Variants in FHDC1 observed in about 807,000 individuals in gnomAD.
FHDC1 encodes the protein FH2 domain containing 1, also known as FH2 domain-containing protein 1.
Under a neutral mutation model 52.6 loss-of-function variants are expected in FHDC1, and 25 were observed. The ratio of observed to expected loss-of-function variants is 0.48; its 90% CI spans 0.35 to 0.66. The LOEUF (loss-of-function observed/expected upper bound fraction) is 0.66, where lower values mean the gene tolerates loss of function less well. Ranked by LOEUF, FHDC1 falls within the 30% of genes least tolerant of loss-of-function variation. The probability of loss-of-function intolerance (pLI) is 0.01; values close to 1 mark genes in which losing one functional copy is unlikely to be tolerated. For synonymous variants in FHDC1, 616 were observed against 581.5 expected (o/e 1.06, Z -0.85); for missense variants, 1,459 against 1,452.8 (o/e 1.00, Z -0.07).
Position 152,976,434 on chromosome 4 carries a change from G to A in FHDC1, c.3143G>A (p.Arg1048Lys). The change falls in exon 12 of 12, where the codon AGA becomes AAA. Residue 1048 changes from arginine (R) to lysine (K), a missense_variant. Arg to Lys is a conservative substitution (Grantham distance 26). Coordinates refer to ENST00000511601, the MANE Select transcript of FHDC1 (RefSeq NM_001371116.1). The part of the protein sequence containing the change: ...NTVASSSRSM[R>K]TDLPPVAKAP... ...GTGGCCTCCTCCTCTCGAAGCATGAGAACAGATCTTCCTCCCGTGGCCAAA... is the reference window on the plus strand; with the variant it reads ...GTGGCCTCCTCCTCTCGAAGCATGAAAACAGATCTTCCTCCCGTGGCCAAA... The A allele has an allele frequency of 6.2e-7, 1 of 1,613,758 alleles. No individual in the cohort carries two copies. Among genetic ancestry groups the A allele is most frequent in the Non-Finnish European group, 8.5e-7 (1 of 1,180,046 alleles).
In FHDC1 at chr4:152,972,373, G is replaced by A. The variant is rs968097689; in HGVS notation, c.1219-4G>A. 1.2e-4 allele frequency: 190 copies of A among 1,592,980 alleles called. No homozygotes were observed. The Admixed American group carries it at 2.9e-3, about 25-fold the overall frequency. On this transcript the variant is annotated splice_polypyrimidine_tract_variant and splice_region_variant and intron_variant, in intron 10 of 11. Coordinates refer to ENST00000511601, the MANE Select transcript of FHDC1 (RefSeq NM_001371116.1). Reference sequence around the variant, plus strand: ...TCAGTGTGTGTTCGTTTGTTTTTCCGCAGTTTGCCATAGAAAAGCTGAGGG... The same window carrying A: ...TCAGTGTGTGTTCGTTTGTTTTTCCACAGTTTGCCATAGAAAAGCTGAGGG...
intron 8 of FHDC1, among the ~76,000 whole-genome samples, chr4:152,963,737 A>G (rs1417206207): frequency 1.5e-5 from 2 of 132,474 alleles, no homozygotes; most frequent in African/African-American, 5.7e-5. Context: ...CTGCTAGCAC[A>G]GGGTTTGGAG....
At chr4:152,965,007 C>T in intron 9 of FHDC1, 32 bp downstream of exon 9, 1 of 1,567,762 alleles carries the variant, frequency 6.4e-7, no homozygotes. Context: ...ATTCAAGATT[C>T]TTTACCTTTT....
rs1417030338 is a variant in FHDC1, at chr4:152,974,935, C to T, written c.1644C>T (p.Asp548=). 1.9e-6 allele frequency: 3 copies of T among 1,612,308 alleles called. No homozygotes were observed. Among genetic ancestry groups the T allele is most frequent in the Non-Finnish European group, 2.5e-6 (3 of 1,179,862 alleles). The change falls in exon 12 of 12, where the codon GAC becomes GAT. Residue 548 remains aspartate (D), a synonymous_variant. Coordinates refer to ENST00000511601, the MANE Select transcript of FHDC1 (RefSeq NM_001371116.1). The stretch of plus-strand genomic sequence containing the variant: ...GCCTCTCCCTGGGTCCCTCTGCTGA[C>T]CGGGAGCTGCTGACCTTCTTGGAGA... ...RSRLSLGPSA[D]RELLTFLESS...
intron 2 of FHDC1, among the ~76,000 whole-genome samples, chr4:152,948,971 C>A (rs960745971): frequency 7.8e-4 from 118 of 152,058 alleles, no homozygotes; most frequent in African/African-American, 2.7e-3. Context: ...TGCCTGTAGT[C>A]CCCGTTACTC....
At chr4:152,958,749 G>A (rs144124682) in intron 4 of FHDC1, among the ~76,000 whole-genome samples, 4 of 152,186 alleles carry the variant, frequency 2.6e-5, no homozygotes, top group South Asian at 4.1e-4. Context: ...AGAATTCATC[G>A]TGTAGGTTTC....
the FHDC1 span, among the ~76,000 whole-genome samples, chr4:152,921,546 TTTCCTTCCTTCCTTCC>T: frequency 2.9e-5 from 4 of 138,620 alleles, no homozygotes; most frequent in African/African-American, 8.3e-5. Context: ...AAATATTTTC[TTTCCTTCCTTCCTTCC>T]TTCCTTCCTT....
At chr4:152,912,721 G>C in the FHDC1 span, among the ~76,000 whole-genome samples, 1 of 152,162 alleles carries the variant, frequency 6.6e-6, no homozygotes, top group Non-Finnish European at 1.5e-5. Context: ...TGTGAGAGCA[G>C]GGAATGGATG....
At chr4:152,930,205 T>C in the FHDC1 span, among the ~76,000 whole-genome samples, 655 of 152,350 alleles carry the variant, frequency 4.3e-3, 4 homozygotes, top group African/African-American at 0.015. Context: ...AGGGTATTAC[T>C]TGGAAAACAA....
chr4:152,967,876 C>T (rs1289024270), intron 9 of FHDC1, 104 bp from the exon 10 acceptor site: 13 of 757,744 alleles, frequency 1.7e-5, no homozygotes, highest in Non-Finnish European at 2.9e-5. Flanking sequence ...AGTAGCTCTC[C>T]CCTTCTGTTT....
chr4:152,963,794 T>TTTTTTTTTTG, intron 8 of FHDC1, among the ~76,000 whole-genome samples: 2 of 132,820 alleles, frequency 1.5e-5, no homozygotes, highest in Non-Finnish European at 3.2e-5. Context: ...TTTTTTTTTT[T>TTTTTTTTTTG]TTTTTTTTTG....
chr4:152,956,353 AAGTT>A (rs1259543752), intron 4 of FHDC1, among the ~76,000 whole-genome samples: 1 of 152,342 alleles, frequency 6.6e-6, no homozygotes, highest in African/African-American at 2.4e-5. Flanking sequence ...AACTAAATCA[AAGTT>A]AGGCACAAGG....
chr4:152,935,306 G>A (rs1395326153), upstream of FHDC1, among the ~76,000 whole-genome samples: 1 of 152,146 alleles, frequency 6.6e-6, no homozygotes, highest in Non-Finnish European at 1.5e-5. Context: ...CGTCTTGGTC[G>A]GTTATCTAGG....
At chr4:152,934,133 T>G (rs1739303809), upstream of FHDC1, among the ~76,000 whole-genome samples, 1 of 152,196 alleles carries the variant, frequency 6.6e-6, no homozygotes, top group South Asian at 2.1e-4. Flanking sequence ...GATAAATACT[T>G]GTTCCCTCTT....
intron 9 of FHDC1, among the ~76,000 whole-genome samples, chr4:152,966,471 T>G (rs1740459723): frequency 1.3e-5 from 2 of 152,162 alleles, no homozygotes; most frequent in African/African-American, 4.8e-5. Flanking sequence ...TATCTTTTGT[T>G]TTTTTTGAGA....
At position 152,976,328 on chromosome 4, in the gene FHDC1, C is replaced by T; in HGVS notation, c.3037C>T (p.Pro1013Ser). The T allele has an allele frequency of 6.2e-7, 1 of 1,613,720 alleles. No homozygotes were observed. Among genetic ancestry groups the T allele is most frequent in the Non-Finnish European group, 8.5e-7 (1 of 1,180,012 alleles). The stretch of plus-strand genomic sequence containing the variant: ...CGCCCACTCCGAGGGCCCTGAGAGT[C>T]CCAAAGAAGAGCCCAAGACCCCGTC... ...CRAHSEGPES[P>S]KEEPKTPSVP... Residue 1013 changes from proline to serine, a missense_variant, in exon 12 of 12, where the codon CCC (proline) becomes TCC (serine). Physicochemically the swap from Pro to Ser is moderately conservative, Grantham distance 74 (BLOSUM62 -1). Around this residue, in one of 3 missense-constraint regions of FHDC1, gnomAD observed 939 missense variants for 854.5 expected, o/e 1.10. Coordinates refer to ENST00000511601, the MANE Select transcript of FHDC1 (RefSeq NM_001371116.1).
At chr4:152,925,713 CTTTT>C in the FHDC1 span, among the ~76,000 whole-genome samples, 1 of 143,160 alleles carries the variant, frequency 7.0e-6, no homozygotes, top group East Asian at 2.0e-4. Flanking sequence ...GTGCATCCTC[CTTTT>C]TTTTTTTTTT....
chr4:152,916,361 C>T, the FHDC1 span, among the ~76,000 whole-genome samples: 1 of 152,104 alleles, frequency 6.6e-6, no homozygotes, highest in East Asian at 1.9e-4. Context: ...GCCAAAGTGG[C>T]ATGATGTATG....
the FHDC1 span, among the ~76,000 whole-genome samples, chr4:152,930,335 ATC>A: frequency 6.6e-6 from 1 of 152,222 alleles, no homozygotes; most frequent in Non-Finnish European, 1.5e-5. Context: ...CTTTTTTACT[ATC>A]TCATTTACAA....
Sources: gnomAD v4.1 joint callset for allele counts (sites outside exome capture counted in the v4.1 genomes callset) on GRCh38, gnomAD v4.1.1 for gene constraint, gnomAD v4.1.1 regional missense constraint, MANE v1.5 for transcripts, NCBI Gene and HGNC (gene_info 2026-07-23, HGNC 2026-07-21) for gene names.